Variants in GMDS observed in about 807,000 individuals in gnomAD.
GMDS encodes GDP-mannose 4,6 dehydratase.
A neutral mutation model predicts 49.9 loss-of-function variants in GMDS; 20 were observed. The ratio of observed to expected loss-of-function variants is 0.40; its 90% CI spans 0.28 to 0.58. The LOEUF is 0.58. GMDS is among the 20% of genes least tolerant of loss of function. GMDS has a pLI of 0.42. For synonymous variants in GMDS, 177 were observed against 178.6 expected, an observed-to-expected ratio of 0.99 and a Z score of 0.07; for missense variants, 362 against 481.4, an observed-to-expected ratio of 0.75 and a Z score of 2.32.
In GMDS at chr6:1,726,404, G is replaced by A. The variant is rs767106273; in HGVS notation, c.987+12C>T. The A allele has an allele frequency of 6.3e-7, 1 of 1,591,434 alleles. No individual in the cohort carries two copies. The highest frequency in any genetic ancestry group is 8.6e-7 in the Non-Finnish European group (1 of 1,159,180). ...AATGTGGCCACGCACTGGGTGGCCAGAGAGTCCTTACCACTTCAGTTGGCC... is the reference window on the plus strand; with the variant it reads ...AATGTGGCCACGCACTGGGTGGCCAAAGAGTCCTTACCACTTCAGTTGGCC... On this transcript the variant is annotated intron_variant, in intron 9 of 10. Transcript: ENST00000380815.
At chr6:2,099,015 G>A (rs903197225) in intron 4 of GMDS, among the ~76,000 whole-genome samples, 1 of 151,970 alleles carries the variant, frequency 6.6e-6, no homozygotes, top group Non-Finnish European at 1.5e-5. Context: ...TGCTATAGGT[G>A]GAATTTGTGC....
intron 1 of GMDS, among the ~76,000 whole-genome samples, chr6:2,127,224 T>A (rs1775499416): frequency 6.6e-6 from 1 of 152,152 alleles, no homozygotes; most frequent in African/African-American, 2.4e-5. Flanking sequence ...GAAAACAGCT[T>A]AATAGAAAAA....
At chr6:1,921,059 TG>T (rs1446949338) in intron 7 of GMDS, among the ~76,000 whole-genome samples, 1 of 152,192 alleles carries the variant, frequency 6.6e-6, no homozygotes, top group Non-Finnish European at 1.5e-5. Flanking sequence ...TGTGGTTAAT[TG>T]CTACCCATTA....
intron 7 of GMDS, among the ~76,000 whole-genome samples, chr6:1,855,827 A>G (rs1209289300): frequency 2.6e-5 from 4 of 152,236 alleles, no homozygotes; most frequent in South Asian, 4.1e-4. Context: ...AACAAATTTT[A>G]GGCACCATAC....
chr6:2,067,945 G>A (rs928627619), intron 4 of GMDS, among the ~76,000 whole-genome samples: 10 of 151,068 alleles, frequency 6.6e-5, no homozygotes, highest in African/African-American at 1.2e-4. Context: ...TACCAAAGCC[G>A]GGCAGAGACA....
intron 7 of GMDS, among the ~76,000 whole-genome samples, chr6:1,839,908 G>C (rs998718479): frequency 1.3e-5 from 2 of 152,200 alleles, no homozygotes; most frequent in African/African-American, 4.8e-5. Flanking sequence ...TTCGTCTTCG[G>C]CTCGCAATCG....
intron 7 of GMDS, among the ~76,000 whole-genome samples, chr6:1,811,568 T>TG (rs1383389538): frequency 6.6e-6 from 1 of 151,560 alleles, no homozygotes; most frequent in African/African-American, 2.4e-5. Context: ...TTTTTTTTTT[T>TG]TTTTTCAACT....
At chr6:2,174,135 T>C (rs1778154559) in intron 1 of GMDS, among the ~76,000 whole-genome samples, 2 of 152,230 alleles carry the variant, frequency 1.3e-5, no homozygotes, top group Non-Finnish European at 2.9e-5. Flanking sequence ...AAATATGTAT[T>C]AAGCATCTTC....
At chr6:1,821,979 G>A (rs562666686) in intron 7 of GMDS, among the ~76,000 whole-genome samples, 6 of 152,118 alleles carry the variant, frequency 3.9e-5, no homozygotes, top group Admixed American at 2.6e-4. Context: ...TGATCAAGAC[G>A]CTAAAATTAG....
intron 9 of GMDS, among the ~76,000 whole-genome samples, chr6:1,687,127 G>A (rs923040746): frequency 1.3e-5 from 2 of 152,154 alleles, no homozygotes; most frequent in Non-Finnish European, 2.9e-5. Flanking sequence ...CCGTTTGTCA[G>A]GCCCCAGAGA....
At chr6:2,112,579 T>A (rs565325235) in intron 4 of GMDS, among the ~76,000 whole-genome samples, 69 of 152,264 alleles carry the variant, frequency 4.5e-4, no homozygotes, top group Admixed American at 1.7e-3. Flanking sequence ...GCTACAAGCT[T>A]TACCCATCAT....
rs1034989883 is a variant in GMDS, at chr6:1,756,146, T to G, written c.772-13560A>C. Among the ~76,000 whole-genome samples the G allele has an allele frequency of 5.9e-5, 9 of 152,132 alleles. No homozygotes were observed. The East Asian group carries it at 1.5e-3, about 26-fold the overall frequency. The stretch of plus-strand genomic sequence containing the variant: ...AATATATTCCCCAATTATGTGACCA[T>G]GTAAATAATGTATGAAAGAAGCTTA... On this transcript the variant is annotated intron_variant, in intron 7 of 10. Transcript: ENST00000380815.
At chr6:2,136,310 A>G (rs1022011337) in intron 1 of GMDS, among the ~76,000 whole-genome samples, 10 of 152,222 alleles carry the variant, frequency 6.6e-5, no homozygotes, top group Admixed American at 3.9e-4. Context: ...CATGTACCCA[A>G]CCTGTACCAA....
At chr6:1,718,101 G>A (rs140439194) in intron 9 of GMDS, among the ~76,000 whole-genome samples, 72 of 152,158 alleles carry the variant, frequency 4.7e-4, no homozygotes, top group African/African-American at 1.6e-3. Context: ...CCTGGAATTC[G>A]AATTTGCCTG....
At chr6:1,951,527 T>C (rs1444198267) in intron 6 of GMDS, among the ~76,000 whole-genome samples, 1 of 152,158 alleles carries the variant, frequency 6.6e-6, no homozygotes, top group Non-Finnish European at 1.5e-5. Context: ...TAAAGTACTT[T>C]ATAGCTTCCC....
intron 9 of GMDS, among the ~76,000 whole-genome samples, chr6:1,708,442 C>T (rs1765818519): frequency 1.3e-5 from 2 of 152,342 alleles, no homozygotes; most frequent in South Asian, 4.1e-4. Flanking sequence ...GCAACGAGGA[C>T]AAACATGCCA....
At chr6:1,768,966 G>A (rs1032839848) in intron 7 of GMDS, among the ~76,000 whole-genome samples, 1 of 152,108 alleles carries the variant, frequency 6.6e-6, no homozygotes, top group Admixed American at 6.5e-5. Context: ...TATTGTAAGA[G>A]ATAAAAGATA....
chr6:1,961,923 G>A (rs1763967779), intron 4 of GMDS, among the ~76,000 whole-genome samples: 1 of 152,152 alleles, frequency 6.6e-6, no homozygotes, highest in African/African-American at 2.4e-5. Flanking sequence ...ACCCTATTTA[G>A]ACCACTAAAC....
chr6:1,940,595 A>T (rs1014061273), intron 6 of GMDS, among the ~76,000 whole-genome samples: 4 of 152,262 alleles, frequency 2.6e-5, no homozygotes, highest in Admixed American at 6.5e-5. Context: ...TGCCAAGAGC[A>T]ACACTATTTA....
Sources: gnomAD v4.1 joint callset for allele counts (sites outside exome capture counted in the v4.1 genomes callset) on GRCh38, gnomAD v4.1.1 for gene constraint, MANE v1.5 for transcripts, NCBI Gene and HGNC (gene_info 2026-07-23, HGNC 2026-07-21) for gene names.